Variants in ZNF678 observed in about 807,000 individuals in gnomAD.
The protein encoded by ZNF678 is zinc finger protein 678, also known as hypothetical protein MGC42493.
Under a neutral mutation model 3.0 loss-of-function variants are expected in ZNF678, and 5 were observed. The ratio of observed to expected loss-of-function variants is 1.69; its 90% CI spans 0.88 to 3.56. The LOEUF is 3.56. Ranked by LOEUF, ZNF678 falls within the 30% of genes most tolerant of loss-of-function variation. The pLI is 0.00. For missense variants in ZNF678, 593 were observed against 605.0 expected (o/e 0.98, Z 0.21); for synonymous variants, 218 against 199.6 (o/e 1.09, Z -0.78).
intron 1 of ZNF678, among the ~76,000 whole-genome samples, chr1:227,592,713 TG>T (rs1657448482): frequency 6.6e-6 from 1 of 152,354 alleles, no homozygotes; most frequent in African/African-American, 2.4e-5. Context: ...GGGCTCCAGT[TG>T]CATCTAAATA....
chr1:227,672,782 C>T (rs772460445), intron 5 of ZNF678, among the ~76,000 whole-genome samples: 9 of 152,158 alleles, frequency 5.9e-5, no homozygotes, highest in African/African-American at 1.4e-4. Flanking sequence ...TGATTGTCTC[C>T]GAAAATTATT....
At position 227,638,344 on chromosome 1, in the gene ZNF678, C is replaced by G. The variant is rs1321749496; in HGVS notation, c.-163-8200C>G. The stretch of plus-strand genomic sequence containing the variant: ...TGGTTAATGAGCCTGAGGTCCTGAA[C>G]TAAGCGATAAGTTCCTGGCTTTTTA... On this transcript the variant is annotated intron_variant, in intron 1 of 3. Transcript: ENST00000343776. The surrounding 1 kb of genome is among the most constrained non-coding windows in gnomAD (Gnocchi z 4.2). Among the ~76,000 whole-genome samples, 1 of 152,152 alleles carries G rather than the reference C, an allele frequency of 6.6e-6. No individual in the cohort carries two copies. Among genetic ancestry groups the G allele is most frequent in the African/African-American group, 2.4e-5 (1 of 41,434 alleles).
chr1:227,655,328 C>T lies in ZNF678; in HGVS notation c.1078C>T (p.Gln360Ter). 6.2e-7 allele frequency: 1 copy of T among 1,610,654 alleles called. No homozygotes were observed. Among genetic ancestry groups the T allele is most frequent in the East Asian group, 2.2e-5 (1 of 44,770 alleles). The change falls in exon 4 of 4, where the codon CAA becomes TAA. Residue 360 changes from glutamine to a stop codon, truncating the protein, a stop_gained. Transcript: ENST00000343776. LOFTEE classifies it low-confidence loss of function (END_TRUNC). ...TGAAGAATGTGGCAGAACCTTTACTCAATTCTCAAACCTCACTCAGCATAA... is the reference window on the plus strand; with the variant it reads ...TGAAGAATGTGGCAGAACCTTTACTTAATTCTCAAACCTCACTCAGCATAA... Reference protein sequence around the residue: ...KCEECGRTFTQFSNLTQHKRI... With the variant: ...KCEECGRTFT
intron 1 of ZNF678, among the ~76,000 whole-genome samples, chr1:227,604,299 G>A (rs1657810160): frequency 6.6e-6 from 1 of 152,196 alleles, no homozygotes; most frequent in South Asian, 2.1e-4. Context: ...TTTATCAGCA[G>A]TTTGTGAGGG....
chr1:227,645,895 T>G (rs1302225599), intron 1 of ZNF678, among the ~76,000 whole-genome samples: 1 of 152,240 alleles, frequency 6.6e-6, no homozygotes, highest in African/African-American at 2.4e-5. Context: ...CTCTGTATTA[T>G]TAAGTACATT....
At chr1:227,583,519 TG>T (rs1657187266) in intron 1 of ZNF678, among the ~76,000 whole-genome samples, 1 of 152,140 alleles carries the variant, frequency 6.6e-6, no homozygotes, top group African/African-American at 2.4e-5. Context: ...GATTTAACTT[TG>T]TCAGGAGTTC....
At chr1:227,609,948 T>A (rs930465355) in intron 1 of ZNF678, among the ~76,000 whole-genome samples, 9 of 152,154 alleles carry the variant, frequency 5.9e-5, no homozygotes, top group African/African-American at 1.9e-4. Flanking sequence ...TTAGCCAGGA[T>A]GGTCTCGATT....
At chr1:227,619,804 G>A (rs982686353) in intron 1 of ZNF678, among the ~76,000 whole-genome samples, 9 of 152,110 alleles carry the variant, frequency 5.9e-5, no homozygotes, top group African/African-American at 2.2e-4. Context: ...TTGAATTTTT[G>A]CAATCAGACC....
At chr1:227,645,513 A>T (rs1416295682) in intron 1 of ZNF678, among the ~76,000 whole-genome samples, 1 of 152,200 alleles carries the variant, frequency 6.6e-6, no homozygotes, top group African/African-American at 2.4e-5. Context: ...TCAATGTTTT[A>T]TATCCATTCA....
chr1:227,598,205 A>G (rs2999743), intron 1 of ZNF678, among the ~76,000 whole-genome samples: 70,169 of 152,026 alleles, frequency 0.46, 17,156 homozygotes, highest in African/African-American at 0.62. Flanking sequence ...ATCTCCCAGA[A>G]TTATCAAGCA....
rs533862737 is a variant in ZNF678 at position 227,654,361 on chromosome 1, C to G, written c.111C>G (p.Asp37Glu). Residue 37 changes from aspartate (D) to glutamate (E), a missense_variant, in exon 4 of 4, where the codon GAC (aspartate) becomes GAG (glutamate). Transcript: ENST00000343776. Reference protein sequence around the residue: ...YTAILSYSIQDLLPEQDMKDL... With the variant: ...YTAILSYSIQELLPEQDMKDL... ...CTATTTTATCTTATTCCATTCAAGACCTTTTGCCAGAGCAGGATATGAAAG... is the reference window on the plus strand; with the variant it reads ...CTATTTTATCTTATTCCATTCAAGAGCTTTTGCCAGAGCAGGATATGAAAG... 3.2e-6 allele frequency: 5 copies of G among 1,571,148 alleles called. No individual in the cohort carries two copies. The highest frequency in any genetic ancestry group is 1.7e-4 in the Middle Eastern group (1 of 5,856).
chr1:227,634,288 G>A (rs560430205), intron 1 of ZNF678, among the ~76,000 whole-genome samples: 13 of 152,286 alleles, frequency 8.5e-5, no homozygotes, highest in African/African-American at 3.1e-4. Flanking sequence ...GTGAGACTCA[G>A]CACATTCCCA....
intron 1 of ZNF678, among the ~76,000 whole-genome samples, chr1:227,643,474 C>T (rs771660527): frequency 3.3e-5 from 5 of 152,038 alleles, no homozygotes; most frequent in African/African-American, 4.8e-5. Flanking sequence ...TCACCCTCTT[C>T]GAAACCTTGT....
At chr1:227,589,066 A>G (rs1001123117) in intron 1 of ZNF678, among the ~76,000 whole-genome samples, 3 of 147,560 alleles carry the variant, frequency 2.0e-5, no homozygotes, top group Non-Finnish European at 4.5e-5. Flanking sequence ...ATAGATTTCA[A>G]AAATTTTCTC....
chr1:227,650,435 G>A (rs1226421690), intron 2 of ZNF678, among the ~76,000 whole-genome samples: 5 of 151,958 alleles, frequency 3.3e-5, no homozygotes, highest in Non-Finnish European at 7.4e-5. Context: ...AAAGTGTGAT[G>A]CCCCCAGCTT....
chr1:227,567,973 G>T (rs1416767367), intron 1 of ZNF678, among the ~76,000 whole-genome samples: 1 of 152,150 alleles, frequency 6.6e-6, no homozygotes, highest in Non-Finnish European at 1.5e-5. Flanking sequence ...AAAGAATGTG[G>T]GAAGGGGAGG....
intron 1 of ZNF678, among the ~76,000 whole-genome samples, chr1:227,625,616 G>C (rs1658392393): frequency 6.6e-6 from 1 of 152,198 alleles, no homozygotes; most frequent in South Asian, 2.1e-4. Context: ...CCAACAGTTA[G>C]TAGGGTTTCG....
intron 1 of ZNF678, among the ~76,000 whole-genome samples, chr1:227,578,711 T>C (rs997514625): frequency 7.2e-5 from 11 of 152,202 alleles, no homozygotes; most frequent in Non-Finnish European, 1.3e-4. Flanking sequence ...TGATCTTCAT[T>C]TCTATCCATA....
chr1:227,568,549 C>A (rs1412091563), intron 1 of ZNF678, among the ~76,000 whole-genome samples: 2 of 152,206 alleles, frequency 1.3e-5, no homozygotes, highest in African/African-American at 4.8e-5. Context: ...CTTCTCCTGC[C>A]ACTTTCCTTT....
Sources: gnomAD v4.1 joint callset for allele counts (sites outside exome capture counted in the v4.1 genomes callset) on GRCh38, gnomAD v4.1.1 for gene constraint, Gnocchi (gnomAD v3.1) non-coding constraint, MANE v1.5 for transcripts, NCBI Gene and HGNC (gene_info 2026-07-23, HGNC 2026-07-21) for gene names.